SKAP1: variants seen among roughly 807,000 people sequenced by gnomAD.
SKAP1 encodes src kinase associated phosphoprotein 1, also known as src kinase-associated phosphoprotein 1.
Under a neutral mutation model 58.5 loss-of-function variants are expected in SKAP1, and 44 were observed. The observed-to-expected ratio is 0.75, with a 90% CI of 0.59 to 0.97. SKAP1 has a LOEUF of 0.97. SKAP1 is among the 50% of genes least tolerant of loss of function. The pLI, the probability that SKAP1 is intolerant of heterozygous loss-of-function variation, is 0.00. For synonymous variants in SKAP1, 127 were observed against 149.7 expected, an observed-to-expected ratio of 0.85 and a Z score of 1.11; for missense variants, 390 against 435.2, an observed-to-expected ratio of 0.90 and a Z score of 0.92.
At chr17:48,385,071 G>T (rs539505360) in intron 2 of SKAP1, among the ~76,000 whole-genome samples, 2 of 152,280 alleles carry the variant, frequency 1.3e-5, no homozygotes, top group East Asian at 3.9e-4. Context: ...TCAATGGAGA[G>T]TTTTTTACAT....
intron 1 of SKAP1, among the ~76,000 whole-genome samples, chr17:48,428,354 C>T (rs182291502): frequency 1.1e-4 from 16 of 152,270 alleles, no homozygotes; most frequent in Admixed American, 1.3e-4. Flanking sequence ...ATTCATACCC[C>T]GCTCTACTTG....
At chr17:48,190,976 C>T (rs969071597) in intron 4 of SKAP1, among the ~76,000 whole-genome samples, 1 of 152,190 alleles carries the variant, frequency 6.6e-6, no homozygotes, top group East Asian at 1.9e-4. Context: ...CAGGATGAGA[C>T]TTCGTCTCAA....
At chr17:48,239,361 T>C (rs2065217848) in intron 4 of SKAP1, among the ~76,000 whole-genome samples, 1 of 152,176 alleles carries the variant, frequency 6.6e-6, no homozygotes, top group Non-Finnish European at 1.5e-5. Context: ...CTGGCGAACA[T>C]CAGCCTGGCA....
At chr17:48,400,611 A>G (rs946163272) in intron 1 of SKAP1, among the ~76,000 whole-genome samples, 2 of 151,864 alleles carry the variant, frequency 1.3e-5, no homozygotes, top group Non-Finnish European at 2.9e-5. Context: ...TTAGCCAGGC[A>G]TGGTGGTGCA....
intron 2 of SKAP1, among the ~76,000 whole-genome samples, chr17:48,391,029 C>T (rs771521621): frequency 4.6e-4 from 70 of 152,202 alleles, no homozygotes; most frequent in Non-Finnish European, 8.5e-4. Context: ...AAGATCATGC[C>T]ACTGCACTCC....
At chr17:48,319,700 G>A (rs940606455) in intron 4 of SKAP1, among the ~76,000 whole-genome samples, 1 of 152,114 alleles carries the variant, frequency 6.6e-6, no homozygotes, top group African/African-American at 2.4e-5. Flanking sequence ...AAATTAGCTG[G>A]GTGTAGTGGT....
chr17:48,134,279 AT>A (rs963747163), intron 12 of SKAP1, among the ~76,000 whole-genome samples: 8 of 150,948 alleles, frequency 5.3e-5, no homozygotes, highest in Non-Finnish European at 7.4e-5. Flanking sequence ...GATAATTTCT[AT>A]TTTTTTTTCT....
chr17:48,197,892 GCT>G (rs149175628), intron 4 of SKAP1, among the ~76,000 whole-genome samples: 231 of 152,296 alleles, frequency 1.5e-3, no homozygotes, highest in African/African-American at 5.4e-3. Context: ...CTTGCAAGAT[GCT>G]CTCTTCCACA....
intron 4 of SKAP1, among the ~76,000 whole-genome samples, chr17:48,257,114 A>C (rs1369977738): frequency 6.6e-6 from 1 of 152,108 alleles, no homozygotes; most frequent in Admixed American, 6.6e-5. Flanking sequence ...AGCCTAGCTT[A>C]CTGTCATTTA....
At position 48,162,489 on chromosome 17, in the gene SKAP1, G is replaced by A. The variant is rs2064082619; in HGVS notation, c.958C>T (p.Leu320Phe). The change falls in exon 11 of 13, where the codon CTC becomes TTC. Residue 320 changes from leucine to phenylalanine, a missense_variant. By Grantham distance (22) the Leu-to-Phe change is conservative. Coordinates refer to ENST00000336915, the MANE Select transcript of SKAP1 (RefSeq NM_003726.4). ...PDELSFQRGD[L>F]IRILSKEYNM... ...CTTACCTTGCTCAGAATACGGATGA[G>A]GTCACCCCGTTGGAAGGACAGTTCA... 1.2e-6 allele frequency: 2 copies of A among 1,613,622 alleles called. No individual in the cohort carries two copies. The highest frequency in any genetic ancestry group is 1.7e-5 in the Admixed American group (1 of 59,982).
At chr17:48,141,611 A>G (rs1457934340) in intron 11 of SKAP1, among the ~76,000 whole-genome samples, 1 of 152,036 alleles carries the variant, frequency 6.6e-6, no homozygotes, top group Non-Finnish European at 1.5e-5. Flanking sequence ...TCCTGACCTC[A>G]GGTGATCTGC....
intron 2 of SKAP1, among the ~76,000 whole-genome samples, chr17:48,381,397 C>CT (rs2144480851): frequency 6.6e-6 from 1 of 152,302 alleles, no homozygotes; most frequent in Non-Finnish European, 1.5e-5. Context: ...ACCTCTGTGT[C>CT]TTAGCACATG....
intron 4 of SKAP1, among the ~76,000 whole-genome samples, chr17:48,233,797 A>G (rs964998085): frequency 3.3e-5 from 5 of 152,178 alleles, no homozygotes; most frequent in African/African-American, 9.7e-5. Context: ...CAGAGGTTGC[A>G]ATGGGCTGAG....
intron 4 of SKAP1, among the ~76,000 whole-genome samples, chr17:48,218,671 A>C (rs910793247): frequency 3.3e-5 from 5 of 152,226 alleles, no homozygotes; most frequent in Non-Finnish European, 7.3e-5. Context: ...CAGAGATCTC[A>C]TACTGGAAAG....
chr17:48,158,550 A>AGAGC (rs1170041849), intron 11 of SKAP1, among the ~76,000 whole-genome samples: 1 of 123,420 alleles, frequency 8.1e-6, no homozygotes, highest in African/African-American at 3.1e-5. Context: ...CCTGGGCCAC[A>AGAGC]GAGCGAGACT....
chr17:48,307,864 A>G (rs2066168858), intron 4 of SKAP1: 1 of 152,210 alleles, frequency 6.6e-6, no homozygotes, highest in African/African-American at 2.4e-5. Context: ...TATAGATTCT[A>G]TTTATATCCC....
chr17:48,253,821 C>T (rs572913873), intron 4 of SKAP1, among the ~76,000 whole-genome samples: 1 of 152,074 alleles, frequency 6.6e-6, no homozygotes, highest in African/African-American at 2.4e-5. Flanking sequence ...CCATAGCAAA[C>T]CCCTCATCAG....
chr17:48,270,892 A>G (rs1293340155), intron 4 of SKAP1, among the ~76,000 whole-genome samples: 3 of 147,410 alleles, frequency 2.0e-5, no homozygotes, highest in Admixed American at 6.9e-5. Flanking sequence ...CTGGAATTCA[A>G]TTTTTGTACA....
At chr17:48,252,713 A>AGTGTGTGT (rs71141977) in intron 4 of SKAP1, among the ~76,000 whole-genome samples, 12,738 of 145,022 alleles carry the variant, frequency 0.088, 818 homozygotes, top group East Asian at 0.26. Context: ...GCTCTAAGCT[A>AGTGTGTGT]GTGTGTGTGT....
Sources: gnomAD v4.1 joint callset for allele counts (sites outside exome capture counted in the v4.1 genomes callset) on GRCh38, gnomAD v4.1.1 for gene constraint, MANE v1.5 for transcripts, NCBI Gene and HGNC (gene_info 2026-07-23, HGNC 2026-07-21) for gene names.